DLGAP2: variants seen among roughly 807,000 people sequenced by gnomAD.
The protein encoded by DLGAP2 is DLG associated protein 2, also known as disks large-associated protein 2.
Under a neutral mutation model 100.3 loss-of-function variants are expected in DLGAP2, and 26 were observed. The observed-to-expected ratio is 0.26, with a 90% CI of 0.19 to 0.36. The LOEUF (loss-of-function observed/expected upper bound fraction) is 0.36, where lower values mean the gene tolerates loss of function less well. Among genes scored for constraint, DLGAP2 ranks in the 10% least tolerant of loss-of-function variants. DLGAP2 has a pLI of 1.00. For missense variants in DLGAP2, 1,858 were observed against 1,453.2 expected (o/e 1.28, Z -4.53); for synonymous variants, 886 against 630.1 (o/e 1.41, Z -6.08).
intron 2 of DLGAP2, among the ~76,000 whole-genome samples, chr8:968,857 C>T (rs893512707): frequency 2.6e-5 from 4 of 152,076 alleles, no homozygotes; most frequent in East Asian, 1.9e-4. Flanking sequence ...ATAATGAAAC[C>T]GATGTTTTTT....
chr8:984,448 C>A (rs1800429547), intron 2 of DLGAP2, among the ~76,000 whole-genome samples: 1 of 152,172 alleles, frequency 6.6e-6, no homozygotes, highest in Admixed American at 6.5e-5. Context: ...TCTCAGAGGG[C>A]CCTGTTTCTA....
chr8:1,028,735 G>A (rs985550968), intron 2 of DLGAP2, among the ~76,000 whole-genome samples: 2 of 152,348 alleles, frequency 1.3e-5, no homozygotes, highest in Admixed American at 6.5e-5. Flanking sequence ...TGTCAACCAT[G>A]GCGGGGAATT....
intron 1 of DLGAP2, among the ~76,000 whole-genome samples, chr8:860,319 G>A (rs952146662): frequency 5.3e-5 from 8 of 152,198 alleles, no homozygotes; most frequent in Admixed American, 2.0e-4. Context: ...ACTGGCTGCC[G>A]CTGCCAGCTC....
At chr8:1,309,491 T>C (rs1325486793) in intron 3 of DLGAP2, among the ~76,000 whole-genome samples, 1 of 152,168 alleles carries the variant, frequency 6.6e-6, no homozygotes, top group East Asian at 1.9e-4. Flanking sequence ...TTAAGAAGTT[T>C]ATAGTCAGTA....
At chr8:1,595,909 A>C (rs1796444390) in intron 6 of DLGAP2, among the ~76,000 whole-genome samples, 2 of 151,910 alleles carry the variant, frequency 1.3e-5, no homozygotes, top group Admixed American at 6.6e-5. Flanking sequence ...TTTAGGGTAC[A>C]TGTGCACAAC....
At chr8:972,764 C>T (rs187448310) in intron 2 of DLGAP2, among the ~76,000 whole-genome samples, 23 of 152,238 alleles carry the variant, frequency 1.5e-4, no homozygotes, top group Admixed American at 3.3e-4. Context: ...GAGGACCCTG[C>T]GGCCTTCCGC....
intron 3 of DLGAP2, among the ~76,000 whole-genome samples, chr8:1,467,051 TAAAG>T (rs529230808): frequency 4.2e-5 from 6 of 143,106 alleles, no homozygotes; most frequent in Non-Finnish European, 7.4e-5. Context: ...TGCCGGGTGA[TAAAG>T]AAGACGGATG....
chr8:1,275,831 A>AATATATAATATATAAAT (rs1191965499), intron 3 of DLGAP2, among the ~76,000 whole-genome samples: 12,502 of 64,614 alleles, frequency 0.19, 2,429 homozygotes, highest in East Asian at 0.35. Flanking sequence ...TATAAAAATA[A>AATATATAATATATAAAT]ATATATAATA....
At chr8:750,359 A>G (rs920564140) in intron 1 of DLGAP2, among the ~76,000 whole-genome samples, 24 of 152,342 alleles carry the variant, frequency 1.6e-4, no homozygotes, top group African/African-American at 5.8e-4. Flanking sequence ...ATAAAAAGGA[A>G]CAGAAATGGA....
intron 3 of DLGAP2, among the ~76,000 whole-genome samples, chr8:1,420,982 G>A (rs1283816844): frequency 6.6e-6 from 1 of 152,142 alleles, no homozygotes; most frequent in African/African-American, 2.4e-5. Flanking sequence ...CAAAGAGCGG[G>A]GTCCTCTCTC....
chr8:1,060,247 G>T (rs1318940986), intron 2 of DLGAP2, among the ~76,000 whole-genome samples: 2 of 152,148 alleles, frequency 1.3e-5, no homozygotes, highest in African/African-American at 4.8e-5. Flanking sequence ...CAGTTCTGGA[G>T]GCCAGAAGCC....
chr8:1,631,351 A>G (rs1387677132), intron 7 of DLGAP2, among the ~76,000 whole-genome samples: 1 of 152,148 alleles, frequency 6.6e-6, no homozygotes, highest in African/African-American at 2.4e-5. Context: ...AGGGCCTCAC[A>G]CAGGTTCTGA....
intron 3 of DLGAP2, among the ~76,000 whole-genome samples, chr8:1,344,170 CG>C (rs1424190679): frequency 1.6e-4 from 9 of 56,586 alleles, no homozygotes; most frequent in African/African-American, 6.1e-4. Flanking sequence ...TCTTTGTACT[CG>C]GGGCGCTGTC....
intron 2 of DLGAP2, among the ~76,000 whole-genome samples, chr8:1,171,806 T>C (rs571137127): frequency 4.4e-4 from 67 of 152,266 alleles, no homozygotes; most frequent in African/African-American, 1.4e-3. Flanking sequence ...TTCCTGAATA[T>C]AACACACTGA....
chr8:1,408,755 T>G (rs573764441), intron 3 of DLGAP2, among the ~76,000 whole-genome samples: 1 of 152,198 alleles, frequency 6.6e-6, no homozygotes, highest in African/African-American at 2.4e-5. Context: ...AAGCCAGGTT[T>G]TGGGAACTCG....
At chr8:990,302 G>C (rs1248490605) in intron 2 of DLGAP2, among the ~76,000 whole-genome samples, 3 of 150,926 alleles carry the variant, frequency 2.0e-5, no homozygotes, top group Non-Finnish European at 4.4e-5. Flanking sequence ...TTCTATGAAA[G>C]TGGCCCAGAC....
chr8:827,501 AC>A (rs1796703886), intron 1 of DLGAP2, among the ~76,000 whole-genome samples: 1 of 152,222 alleles, frequency 6.6e-6, no homozygotes, highest in African/African-American at 2.4e-5. Context: ...GTAAATAATT[AC>A]GTGTATAACG....
intron 4 of DLGAP2, among the ~76,000 whole-genome samples, chr8:1,519,263 C>T (rs985178301): frequency 1.3e-5 from 2 of 151,994 alleles, no homozygotes; most frequent in East Asian, 3.9e-4. Context: ...CATGTCCCAT[C>T]CTACGCCTGA....
At position 1,496,777 on chromosome 8, in the gene DLGAP2, G is replaced by A. The variant is rs149716069; in HGVS notation, c.107-4589G>A. Among the ~76,000 whole-genome samples, 103 of 152,278 alleles carry A rather than the reference G, an allele frequency of 6.8e-4. 1 individual carries two copies. The highest frequency in any genetic ancestry group is 1.6e-3 in the Admixed American group (24 of 15,290). ...CGGGACAGGTCCACGCTCTCCAGGC[G>A]GCACCCGAGGCACCGCACACGCCAT... is the stretch of plus-strand genomic sequence containing the variant. On this transcript the variant is annotated intron_variant, in intron 3 of 14. Transcript: ENST00000637795.
Sources: gnomAD v4.1 joint callset for allele counts (sites outside exome capture counted in the v4.1 genomes callset) on GRCh38, gnomAD v4.1.1 for gene constraint, MANE v1.5 for transcripts, NCBI Gene and HGNC (gene_info 2026-07-23, HGNC 2026-07-21) for gene names.